The following THADA variants were observed in gnomAD, a reference collection of about 807,000 sequenced individuals.
THADA encodes THADA armadillo repeat containing, also known as tRNA (32-2'-O)-methyltransferase regulator THADA.
In THADA, 213 loss-of-function variants were observed where a neutral mutation model predicts 219.8. That is an observed-to-expected ratio of 0.97 (90% CI 0.87 to 1.09). The LOEUF (loss-of-function observed/expected upper bound fraction) is 1.09. THADA is among the 50% of genes least tolerant of loss of function. The pLI, the probability that THADA is intolerant of heterozygous loss-of-function variation, is 0.00. For synonymous variants in THADA, 1,018 were observed against 828.9 expected (o/e 1.23, Z -3.92); for missense variants, 2,956 against 2,311.3 (o/e 1.28, Z -5.72).
At chr2:43,294,204 A>G (rs1675087090) in intron 31 of THADA, among the ~76,000 whole-genome samples, 1 of 152,204 alleles carries the variant, frequency 6.6e-6, no homozygotes, top group African/African-American at 2.4e-5. Context: ...CTCAGTTCTG[A>G]TTAAAAAAAT....
At position 43,260,442 on chromosome 2, in the gene THADA, G is replaced by A. The variant is rs147121235; in HGVS notation, c.5296+19323C>T. Among the ~76,000 whole-genome samples, 23 of 151,778 alleles carry A rather than the reference G, an allele frequency of 1.5e-4. 1 individual carries two copies. The highest frequency in any genetic ancestry group is 1.0e-3 in the South Asian group (5 of 4,798). On this transcript the variant is annotated intron_variant, in intron 36 of 37. Transcript: ENST00000405975. ...TTTACCTATTTTTAAAGACTTCCTC[G>A]TATATTATTCATAAAAACTTAATTG...
At chr2:43,307,083 T>A (rs988336399) in intron 31 of THADA, among the ~76,000 whole-genome samples, 4 of 152,214 alleles carry the variant, frequency 2.6e-5, no homozygotes, top group African/African-American at 9.6e-5. Flanking sequence ...CCTTCCACCA[T>A]AAACAATTAG....
At chr2:43,556,801 A>G (rs989514694) in intron 16 of THADA, among the ~76,000 whole-genome samples, 3 of 152,112 alleles carry the variant, frequency 2.0e-5, no homozygotes, top group East Asian at 1.9e-4. Flanking sequence ...GCAGTGGCTC[A>G]TATCTGTAAC....
intron 29 of THADA, chr2:43,392,072 G>A (rs1256251957): frequency 2.0e-5 from 3 of 152,070 alleles, no homozygotes; most frequent in African/African-American, 7.2e-5. Context: ...TATTTTCGAG[G>A]CATAAAACAA....
chr2:43,391,499 C>G (rs774732576), intron 29 of THADA, among the ~76,000 whole-genome samples: 2 of 152,164 alleles, frequency 1.3e-5, no homozygotes, highest in Non-Finnish European at 2.9e-5. Context: ...ATTAATTCAT[C>G]TTCAAAAGTA....
At chr2:43,462,370 G>A (rs1159288616) in intron 26 of THADA, among the ~76,000 whole-genome samples, 1 of 152,116 alleles carries the variant, frequency 6.6e-6, no homozygotes, top group African/African-American at 2.4e-5. Flanking sequence ...AAATAGTAAG[G>A]TGAACTTCTA....
chr2:43,485,715 A>G (rs2105014430), intron 25 of THADA, among the ~76,000 whole-genome samples: 1 of 152,196 alleles, frequency 6.6e-6, no homozygotes, highest in East Asian at 1.9e-4. Context: ...CATTTTACCT[A>G]CGAGAAAATA....
chr2:43,532,548 A>G (rs1694020918), intron 21 of THADA, among the ~76,000 whole-genome samples: 1 of 152,172 alleles, frequency 6.6e-6, no homozygotes, highest in Non-Finnish European at 1.5e-5. Context: ...ATAAAATTCA[A>G]TACCCCTTCA....
chr2:43,576,999 G>C, intron 10 of THADA, 23 bp downstream of exon 10: 9 of 1,593,062 alleles, frequency 5.6e-6, no homozygotes, highest in Non-Finnish European at 7.7e-6. Context: ...AACAAAATAT[G>C]AGACGATAGC....
At chr2:43,460,238 TAAAAAAAAAAAAAAAA>T (rs10560565) in intron 26 of THADA, among the ~76,000 whole-genome samples, 2 of 63,514 alleles carry the variant, frequency 3.1e-5, no homozygotes, top group African/African-American at 5.9e-5. Flanking sequence ...TTTCTCTTAA[TAAAAAAAAAAAAAAAA>T]AAAAAAAAAA....
chr2:43,539,802 G>GT (rs1040858691), intron 21 of THADA, among the ~76,000 whole-genome samples: 69 of 144,902 alleles, frequency 4.8e-4, no homozygotes, highest in African/African-American at 8.0e-4. Flanking sequence ...TGTGATAATT[G>GT]TTTTTTTTTT....
At chr2:43,257,647 G>T (rs1484718490) in intron 36 of THADA, among the ~76,000 whole-genome samples, 1 of 152,194 alleles carries the variant, frequency 6.6e-6, no homozygotes, top group Admixed American at 6.5e-5. Flanking sequence ...CAAGGTGAAG[G>T]TCAGTGATTC....
At chr2:43,556,036 A>T in intron 17 of THADA, 1 of 395,960 alleles carries the variant, frequency 2.5e-6, no homozygotes, top group Non-Finnish European at 3.7e-6. Context: ...GTCTGTCTCT[A>T]GTCACAGTAT....
chr2:43,464,895 C>G (rs1684051853), intron 26 of THADA, among the ~76,000 whole-genome samples: 1 of 152,050 alleles, frequency 6.6e-6, no homozygotes, highest in African/African-American at 2.4e-5. Flanking sequence ...TTCTTGAGCA[C>G]CCCTAGCCAG....
At chr2:43,568,027 G>C (rs1574294890) in intron 14 of THADA, among the ~76,000 whole-genome samples, 1 of 151,992 alleles carries the variant, frequency 6.6e-6, no homozygotes, top group Non-Finnish European at 1.5e-5. Flanking sequence ...CTACTACTGG[G>C]GGTGGGGGGG....
At chr2:43,314,116 T>C (rs977778699) in intron 31 of THADA, among the ~76,000 whole-genome samples, 3 of 152,184 alleles carry the variant, frequency 2.0e-5, no homozygotes, top group Non-Finnish European at 4.4e-5. Context: ...AATGAGGGTA[T>C]AATGGGCATC....
At chr2:43,384,030 T>C (rs917715975) in intron 29 of THADA, among the ~76,000 whole-genome samples, 1 of 152,154 alleles carries the variant, frequency 6.6e-6, no homozygotes, top group Non-Finnish European at 1.5e-5. Context: ...AGCTTCTCTA[T>C]ATGAATTTTA....
rs1423171829 is a variant in THADA at position 43,590,831 on chromosome 2, A to G, written c.295T>C (p.Leu99=). 1 of 1,612,680 alleles carries G rather than the reference A, an allele frequency of 6.2e-7. No individual in the cohort carries two copies. Among genetic ancestry groups the G allele is most frequent in the Non-Finnish European group, 8.5e-7 (1 of 1,179,530 alleles). ...CCTTCCTTTTTTTCTTACCTTGCCA[A>G]TACTTTCTTCAAGGGATTCTTTAGA... The part of the protein sequence containing the change: ...LSLKNPLKKV[L]ASSLNSLPDF... The change falls in exon 4 of 38, where the codon TTG becomes CTG. Residue 99 remains leucine (L), a synonymous_variant. Coordinates refer to ENST00000405975, the MANE Select transcript of THADA (RefSeq NM_022065.5).
intron 1 of THADA, among the ~76,000 whole-genome samples, chr2:43,592,691 A>C (rs1701700216): frequency 6.6e-6 from 1 of 152,230 alleles, no homozygotes; most frequent in Admixed American, 6.5e-5. Flanking sequence ...AAGAAGAAAA[A>C]TGTTTTAAGC....
Sources: allele counts gnomAD v4.1 joint callset (sites outside exome capture counted in the v4.1 genomes callset), GRCh38; gene constraint gnomAD v4.1.1; transcripts MANE v1.5; gene names NCBI Gene and HGNC (gene_info 2026-07-23, HGNC 2026-07-21).